SGCZ: variants seen among roughly 807,000 people sequenced by gnomAD.
SGCZ encodes sarcoglycan zeta.
In SGCZ, 40 loss-of-function variants were observed where a neutral mutation model predicts 41.3. That is an observed-to-expected ratio of 0.97 (90% CI 0.75 to 1.26). The LOEUF (loss-of-function observed/expected upper bound fraction) is 1.26. SGCZ is among the 50% of genes most tolerant of loss of function. SGCZ has a pLI of 0.00. For synonymous variants in SGCZ, 206 were observed against 137.5 expected, an observed-to-expected ratio of 1.50 and a Z score of -3.49; for missense variants, 552 against 369.8, an observed-to-expected ratio of 1.49 and a Z score of -4.04.
intron 1 of SGCZ, among the ~76,000 whole-genome samples, chr8:15,110,696 T>C (rs1807013769): frequency 6.6e-6 from 1 of 152,156 alleles, no homozygotes; most frequent in Non-Finnish European, 1.5e-5. Flanking sequence ...AGGCCAGGCG[T>C]GGTGGCTCAC....
chr8:14,760,441 G>T (rs184153568), intron 1 of SGCZ, among the ~76,000 whole-genome samples: 2 of 152,060 alleles, frequency 1.3e-5, no homozygotes, highest in African/African-American at 4.8e-5. Flanking sequence ...CCAGATTGGG[G>T]GAAAATATAT....
intron 2 of SGCZ, among the ~76,000 whole-genome samples, chr8:14,446,623 A>G (rs1258847834): frequency 2.0e-5 from 3 of 152,172 alleles, no homozygotes. Flanking sequence ...CAATGACATT[A>G]TGTACAATTT....
chr8:14,111,833 T>C (rs115246703), intron 5 of SGCZ, among the ~76,000 whole-genome samples: 1,782 of 152,320 alleles, frequency 0.012, 35 homozygotes, highest in African/African-American at 0.04. Flanking sequence ...ATGGTCCTAC[T>C]TTGTATTTAA....
intron 1 of SGCZ, among the ~76,000 whole-genome samples, chr8:14,909,993 T>A (rs1799235002): frequency 6.6e-6 from 1 of 152,132 alleles, no homozygotes; most frequent in South Asian, 2.1e-4. Flanking sequence ...AATCTCTCCA[T>A]TTTTAATGCA....
At chr8:14,644,919 T>C (rs1460115545) in intron 1 of SGCZ, among the ~76,000 whole-genome samples, 2 of 144,132 alleles carry the variant, frequency 1.4e-5, no homozygotes, top group Non-Finnish European at 1.5e-5. Flanking sequence ...GACAGAAATA[T>C]AAAATATAAA....
At chr8:14,671,188 A>T (rs1259205607) in intron 1 of SGCZ, among the ~76,000 whole-genome samples, 1 of 152,164 alleles carries the variant, frequency 6.6e-6, no homozygotes, top group Non-Finnish European at 1.5e-5. Context: ...AACTTCTCAA[A>T]ATATTTAAAA....
intron 1 of SGCZ, among the ~76,000 whole-genome samples, chr8:14,687,240 A>T (rs984285653): frequency 2.0e-5 from 3 of 150,446 alleles, no homozygotes; most frequent in African/African-American, 7.3e-5. Flanking sequence ...CATGTGCACA[A>T]TGTGCACGTT....
At chr8:14,246,867 G>A (rs762622952) in intron 3 of SGCZ, among the ~76,000 whole-genome samples, 30 of 134,212 alleles carry the variant, frequency 2.2e-4, no homozygotes, top group Middle Eastern at 9.7e-3. Context: ...CCGAGATCGC[G>A]CCACTGCACT....
At chr8:15,150,499 A>C (rs1408462554) in intron 1 of SGCZ, among the ~76,000 whole-genome samples, 1 of 152,036 alleles carries the variant, frequency 6.6e-6, no homozygotes, top group Non-Finnish European at 1.5e-5. Flanking sequence ...CCCAAACCTA[A>C]TTCCCCCTCC....
At chr8:14,608,277 G>T (rs943818456) in intron 1 of SGCZ, among the ~76,000 whole-genome samples, 3 of 151,118 alleles carry the variant, frequency 2.0e-5, no homozygotes, top group Non-Finnish European at 4.4e-5. Flanking sequence ...TTTTGTAAGT[G>T]TGGTAAATAC....
intron 2 of SGCZ, among the ~76,000 whole-genome samples, chr8:14,331,140 G>C (rs1038919808): frequency 6.6e-6 from 1 of 151,210 alleles, no homozygotes; most frequent in Non-Finnish European, 1.5e-5. Flanking sequence ...CTTGGAGTTT[G>C]GTATGACAAA....
intron 1 of SGCZ, among the ~76,000 whole-genome samples, chr8:14,887,502 AT>A (rs1376487043): frequency 2.0e-5 from 3 of 152,192 alleles, no homozygotes; most frequent in African/African-American, 4.8e-5. Context: ...TAAGGATATT[AT>A]TGGGTTAAAT....
chr8:14,793,156 A>G (rs1354527130), intron 1 of SGCZ, among the ~76,000 whole-genome samples: 1 of 152,148 alleles, frequency 6.6e-6, no homozygotes. Context: ...TTCCTTCCCA[A>G]TATTTGTCAC....
intron 1 of SGCZ, among the ~76,000 whole-genome samples, chr8:15,011,070 A>G (rs2130926228): frequency 6.6e-6 from 1 of 152,336 alleles, no homozygotes; most frequent in East Asian, 1.9e-4. Context: ...AATTTCCAAA[A>G]TGGACAAAGC....
chr8:15,161,579 G>C (rs1799514101), intron 1 of SGCZ, among the ~76,000 whole-genome samples: 1 of 152,086 alleles, frequency 6.6e-6, no homozygotes, highest in Admixed American at 6.5e-5. Context: ...AATTAAATTT[G>C]TATGAATGAA....
chr8:14,244,083 G>A (rs933043347), intron 3 of SGCZ, among the ~76,000 whole-genome samples: 2 of 152,132 alleles, frequency 1.3e-5, no homozygotes, highest in African/African-American at 4.8e-5. Context: ...ATGGGTTTAA[G>A]TGGATTTGTG....
intron 1 of SGCZ, among the ~76,000 whole-genome samples, chr8:14,840,399 T>C (rs901949336): frequency 6.6e-5 from 10 of 152,154 alleles, no homozygotes; most frequent in Non-Finnish European, 1.5e-4. Flanking sequence ...TATTTGAATA[T>C]GAATTAATCA....
chr8:14,800,160 T>C (rs1801274198), intron 1 of SGCZ, among the ~76,000 whole-genome samples: 1 of 33,072 alleles, frequency 3.0e-5, no homozygotes, highest in Admixed American at 3.8e-4. Flanking sequence ...TTTGCCTCCT[T>C]TTTTTCATGG....
intron 1 of SGCZ, among the ~76,000 whole-genome samples, chr8:14,731,884 A>G (rs1381298298): frequency 6.6e-6 from 1 of 151,966 alleles, no homozygotes; most frequent in African/African-American, 2.4e-5. Flanking sequence ...CACTCAAAAC[A>G]CCTAGCAGAT....
Sources: gnomAD v4.1 joint callset for allele counts (sites outside exome capture counted in the v4.1 genomes callset) on GRCh38, gnomAD v4.1.1 for gene constraint, MANE v1.5 for transcripts, NCBI Gene and HGNC (gene_info 2026-07-23, HGNC 2026-07-21) for gene names.